Variants in AFF2 observed in about 807,000 individuals in gnomAD.
AFF2 encodes the protein ALF transcription elongation factor 2.
AFF2 carries 14 observed loss-of-function variants against 76.9 expected under a neutral mutation model. That is an observed-to-expected ratio of 0.18 (90% CI 0.12 to 0.28). AFF2 has a LOEUF of 0.28. AFF2 is among the 10% of genes least tolerant of loss of function. AFF2 has a pLI of 1.00. For missense variants in AFF2, 868 were observed against 1,001.1 expected (o/e 0.87, Z 1.79); for synonymous variants, 398 against 366.7 (o/e 1.09, Z -0.98).
chrX:148,629,358 T>C (rs1260597362), intron 1 of AFF2, among the ~76,000 whole-genome samples: 1 of 112,255 alleles, frequency 8.9e-6, no homozygotes, highest in African/African-American at 3.2e-5. Flanking sequence ...TTAGTTTACT[T>C]TAATGAATCC....
chrX:148,838,734 G>T (rs2070560066), intron 5 of AFF2, among the ~76,000 whole-genome samples: 2 of 111,704 alleles, frequency 1.8e-5, no homozygotes, highest in African/African-American at 6.5e-5. Context: ...GGGCAAATAG[G>T]TGCATATTTG....
chrX:148,584,557 ATTTTT>A (rs3040766), intron 1 of AFF2, among the ~76,000 whole-genome samples: 1 of 94,773 alleles, frequency 1.1e-5, no homozygotes, highest in Admixed American at 1.2e-4. Context: ...AAATGAAATG[ATTTTT>A]TTTTTTTTTT....
chrX:148,821,056 T>C, intron 4 of AFF2, among the ~76,000 whole-genome samples: 1 of 110,682 alleles, frequency 9.0e-6, no homozygotes, highest in East Asian at 2.9e-4. Context: ...GGGGCACTTA[T>C]AGAGGGATAA....
intron 15 of AFF2, among the ~76,000 whole-genome samples, chrX:148,970,746 G>A (rs1557289418): frequency 9.0e-6 from 1 of 111,646 alleles, no homozygotes; most frequent in Non-Finnish European, 1.9e-5. Flanking sequence ...AAAGTGATGG[G>A]ATTATTGTCA....
At chrX:148,613,444 C>CA (rs1557249777) in intron 1 of AFF2, among the ~76,000 whole-genome samples, 1 of 110,065 alleles carries the variant, frequency 9.1e-6, no homozygotes, top group African/African-American at 3.3e-5. Context: ...TTTGATTAGG[C>CA]AAAAAAAAGA....
intron 8 of AFF2, among the ~76,000 whole-genome samples, chrX:148,895,130 G>A (rs1454361753): frequency 9.0e-6 from 1 of 110,933 alleles, no homozygotes; most frequent in Non-Finnish European, 1.9e-5. Context: ...AGCCTTTTCC[G>A]AGTGCCTCTA....
At chrX:148,734,270 C>A (rs997170888) in intron 3 of AFF2, among the ~76,000 whole-genome samples, 17 of 111,824 alleles carry the variant, frequency 1.5e-4, no homozygotes, top group Non-Finnish European at 3.2e-4. Flanking sequence ...TAGTGAGAGA[C>A]CAGCCATTAA....
In AFF2 at chrX:148,662,371, C is replaced by T; in HGVS notation, c.644C>T (p.Ser215Phe). 1 of 1,211,976 alleles carries T rather than the reference C, an allele frequency of 8.3e-7. No homozygotes were observed. Among genetic ancestry groups the T allele is most frequent in the Non-Finnish European group, 1.1e-6 (1 of 895,546 alleles). The change falls in exon 3 of 21, where the codon TCT becomes TTT. Residue 215 changes from serine to phenylalanine, a missense_variant. By Grantham distance (155) the Ser-to-Phe change is radical (BLOSUM62 -2). This residue lies in a region of AFF2 where 196 missense variants were observed against 194.8 expected (regional missense o/e 1.01). Transcript: ENST00000370460. ...QIGEVEESNP[S>F]AKEDSNPNSS... ...GGAGAAGTTGAAGAGTCAAACCCAT[C>T]TGCAAAGGAAGACAGTAACCCTAAT...
Position 148,850,484 on chromosome X carries a change from A to G in AFF2, c.1262+7051A>G, listed in dbSNP as rs1390371467. ...AAGCAAGGGACCAAAGTTAAAAAAA[A>G]TTCACTTGTATAATTGAATGTAATG... On this transcript the variant is annotated intron_variant, in intron 7 of 20. Transcript: ENST00000370460. Among the ~76,000 whole-genome samples, 8 of 111,797 alleles carry G rather than the reference A, an allele frequency of 7.2e-5. No homozygotes were observed. In the Admixed American group the frequency reaches 7.6e-4, roughly 11 times the overall value.
At chrX:148,908,054 C>T (rs57377057) in intron 9 of AFF2, among the ~76,000 whole-genome samples, 8,430 of 111,545 alleles carry the variant, frequency 0.076, 391 homozygotes, top group African/African-American at 0.17. Context: ...CTGTTCCGCC[C>T]GGCTCACCAG....
At chrX:148,792,512 C>T (rs897446419) in intron 3 of AFF2, among the ~76,000 whole-genome samples, 3 of 112,865 alleles carry the variant, frequency 2.7e-5, no homozygotes, top group African/African-American at 9.6e-5. Flanking sequence ...AAAGTGATAA[C>T]AAAGGGCCTT....
At chrX:148,718,805 A>C (rs1322243676) in intron 3 of AFF2, among the ~76,000 whole-genome samples, 2 of 111,264 alleles carry the variant, frequency 1.8e-5, no homozygotes, top group African/African-American at 6.5e-5. Flanking sequence ...GCAGTGTTCT[A>C]TACACACAGT....
intron 4 of AFF2, among the ~76,000 whole-genome samples, chrX:148,835,211 A>T: frequency 9.0e-6 from 1 of 111,464 alleles, no homozygotes; most frequent in South Asian, 3.8e-4. Flanking sequence ...CTCTAAAATC[A>T]GTGGTGAAAG....
intron 1 of AFF2, among the ~76,000 whole-genome samples, chrX:148,503,521 T>C (rs781843517): frequency 4.1e-4 from 46 of 112,398 alleles, no homozygotes; most frequent in African/African-American, 1.5e-3. Flanking sequence ...CATTCACTTA[T>C]GGAACAGTAA....
chrX:148,516,069 C>T (rs1231831532), intron 1 of AFF2, among the ~76,000 whole-genome samples: 1 of 111,742 alleles, frequency 8.9e-6, no homozygotes, highest in Non-Finnish European at 1.9e-5. Flanking sequence ...CTGGAGACCA[C>T]ACAAAATAGT....
intron 3 of AFF2, among the ~76,000 whole-genome samples, chrX:148,769,502 TTC>T (rs2069560072): frequency 8.9e-6 from 1 of 111,822 alleles, no homozygotes; most frequent in Non-Finnish European, 1.9e-5. Flanking sequence ...CAATACACTG[TTC>T]TTTATGTTCC....
chrX:148,629,004 A>C (rs1405958407), intron 1 of AFF2, among the ~76,000 whole-genome samples: 1 of 111,850 alleles, frequency 8.9e-6, no homozygotes, highest in East Asian at 2.8e-4. Flanking sequence ...GTATTTCCCA[A>C]AGTGTATCTC....
intron 3 of AFF2, among the ~76,000 whole-genome samples, chrX:148,703,369 C>T (rs73603940): frequency 0.046 from 5,168 of 111,904 alleles, 309 homozygotes; most frequent in African/African-American, 0.16. Flanking sequence ...CCATTTCTCC[C>T]ATTCATGAAC....
At chrX:148,788,901 TG>T (rs782032910) in intron 3 of AFF2, among the ~76,000 whole-genome samples, 7 of 112,135 alleles carry the variant, frequency 6.2e-5, no homozygotes, top group Admixed American at 9.5e-5. Flanking sequence ...TGGTTATGTT[TG>T]TCCAGATTAT....
Sources: gnomAD v4.1 joint callset for allele counts (sites outside exome capture counted in the v4.1 genomes callset) on GRCh38, gnomAD v4.1.1 for gene constraint, gnomAD v4.1.1 regional missense constraint, MANE v1.5 for transcripts, NCBI Gene and HGNC (gene_info 2026-07-23, HGNC 2026-07-21) for gene names.